DAPK3: variants seen among roughly 807,000 people sequenced by gnomAD.
The protein encoded by DAPK3 is death-associated protein kinase 3.
DAPK3 carries 24 observed loss-of-function variants against 30.6 expected under a neutral mutation model. That is an observed-to-expected ratio of 0.78 (90% CI 0.57 to 1.10). DAPK3 has a LOEUF of 1.10. Among genes scored for constraint, DAPK3 ranks in the 50% least tolerant of loss-of-function variants. The pLI is 0.00. For synonymous variants in DAPK3, 341 were observed against 284.0 expected (o/e 1.20, Z -2.02); for missense variants, 629 against 657.3 (o/e 0.96, Z 0.47).
At chr19:3,970,370 C>A (rs1356368044) in intron 1 of DAPK3, among the ~76,000 whole-genome samples, 1 of 152,108 alleles carries the variant, frequency 6.6e-6, no homozygotes, top group Non-Finnish European at 1.5e-5. Context: ...CTCAAGCGAT[C>A]GTCCCAGGCC....
In DAPK3 at chr19:3,963,932, G is replaced by C; in HGVS notation, c.554-13C>G. 1 of 1,581,066 alleles carries C rather than the reference G, an allele frequency of 6.3e-7. No homozygotes were observed. The highest frequency in any genetic ancestry group is 8.7e-7 in the Non-Finnish European group (1 of 1,152,412). ...ACAATCTCTGGGGCTGCAGAACAGG[G>C]AGATGTGGGTCAGGCACTGGGGACA... is the stretch of plus-strand genomic sequence containing the variant. On this transcript the variant is annotated splice_polypyrimidine_tract_variant and intron_variant, in intron 4 of 8. Coordinates refer to ENST00000545797, the MANE Select transcript of DAPK3 (RefSeq NM_001348.3).
At chr19:3,964,507 A>C (rs112135160) in intron 3 of DAPK3, 124 bp downstream of exon 3, 45 of 808,734 alleles carry the variant, frequency 5.6e-5, no homozygotes, top group African/African-American at 1.5e-4. Context: ...ACGCTCCCCA[A>C]ACCTCACCCC....
Position 3,964,297 on chromosome 19 carries a change from T to G in DAPK3, c.500A>C (p.Lys167Thr). The G allele has an allele frequency of 6.2e-7, 1 of 1,613,674 alleles. No individual in the cohort carries two copies. Among genetic ancestry groups the G allele is most frequent in the Non-Finnish European group, 8.5e-7 (1 of 1,179,626 alleles). ...CTTGAACTCGTTCCCCGCCTCGATC[T>G]TGTGCGCGATGCCGAAGTCGATGAG... ...IKLIDFGIAH[K>T]IEAGNEFKNI... The change falls in exon 4 of 9, where the codon AAG becomes ACG. Residue 167 changes from lysine (K) to threonine (T), a missense_variant. Physicochemically the swap from Lys to Thr is moderately conservative, Grantham distance 78. Coordinates refer to ENST00000545797, the MANE Select transcript of DAPK3 (RefSeq NM_001348.3).
intron 8 of DAPK3, 99 bp downstream of exon 8, chr19:3,959,960 T>A: frequency 1.3e-6 from 1 of 799,322 alleles, no homozygotes; most frequent in South Asian, 1.4e-5. Flanking sequence ...CCACTGGGGG[T>A]TGTCACATCC....
Position 3,960,907 on chromosome 19 carries a change from C to T in DAPK3, c.782+102G>A, listed in dbSNP as rs555872130. 217 of 1,276,222 alleles carry T rather than the reference C, an allele frequency of 1.7e-4. No homozygotes were observed. The East Asian group carries it at 4.3e-3, about 25-fold the overall frequency. 79.1% of individuals were successfully genotyped at this position (1,276,222 alleles called of 1,614,324 possible). ...GGGTAAGCAATGTCTGATCCCCAGC[C>T]GCAGGGAGGTGGCGCTGGGAGGAGA... On this transcript the variant is annotated intron_variant, in intron 7 of 8. Coordinates refer to ENST00000545797, the MANE Select transcript of DAPK3 (RefSeq NM_001348.3).
At position 3,958,940 on chromosome 19, in the gene DAPK3, G is replaced by A. The variant is rs568747653; in HGVS notation, c.*161C>T. 1.9e-5 allele frequency: 11 copies of A among 587,664 alleles called. No homozygotes were observed. The highest frequency in any genetic ancestry group is 9.6e-5 in the African/African-American group (5 of 51,948). 36.4% of individuals were successfully genotyped at this position (587,664 alleles called of 1,614,324 possible). On this transcript the variant is annotated 3_prime_UTR_variant, in exon 9 of 9. Coordinates refer to ENST00000545797, the MANE Select transcript of DAPK3 (RefSeq NM_001348.3). ...CCGTCCCACACCCACCCCTGCCTGC[G>A]AACTTACGGGCCTGGCTCCAGCTCC...
rs779410086 is a variant in DAPK3 at position 3,959,111 on chromosome 19, C to A, written c.1355G>T (p.Gly452Val). The change falls in exon 9 of 9, where the codon GGG becomes GTG. Residue 452 changes from glycine (G) to valine (V), a missense_variant. By Grantham distance (109) the Gly-to-Val change is moderately radical. Around this residue, in one of 2 missense-constraint regions of DAPK3, gnomAD observed 323 missense variants for 278.8 expected, o/e 1.16. Coordinates refer to ENST00000545797, the MANE Select transcript of DAPK3 (RefSeq NM_001348.3). ...CCCACCCCACTGCGCCTAGCGCAGCCCGCACTCCACGCCCTGCAGCTTCTC... is the reference window on the plus strand; with the variant it reads ...CCCACCCCACTGCGCCTAGCGCAGCACGCACTCCACGCCCTGCAGCTTCTC... ...EQEKLQGVECGLR is the reference protein window; with the variant it reads ...EQEKLQGVECVLR 2 of 1,550,344 alleles carry A rather than the reference C, an allele frequency of 1.3e-6. No homozygotes were observed. The highest frequency in any genetic ancestry group is 1.7e-6 in the Non-Finnish European group (2 of 1,151,610).
rs375457578 is a variant in DAPK3 at position 3,960,055 on chromosome 19, T to C, written c.828+4A>G. 6.5e-6 allele frequency: 10 copies of C among 1,526,856 alleles called. No individual in the cohort carries two copies. The African/African-American group carries it at 1.2e-4, about 19-fold the overall frequency. 94.6% of individuals were successfully genotyped at this position (1,526,856 alleles called of 1,614,324 possible). A position where few individuals can be genotyped will look rare whatever the true frequency, so the allele number is the denominator to read the frequency against. On this transcript the variant is annotated splice_donor_region_variant and intron_variant, in intron 8 of 8. Transcript: ENST00000545797. The stretch of plus-strand genomic sequence containing the variant: ...CCAGGGAGCTCCCCCACCTCCCCAC[T>C]TACCTTAATCCAGGAATGTTCCAGG...
chr19:3,961,236 G>A (rs2039508053), intron 6 of DAPK3, 75 bp from the exon 7 acceptor site: 30 of 1,240,384 alleles, frequency 2.4e-5, no homozygotes, highest in Middle Eastern at 1.9e-4. Context: ...GGCTGCCCAC[G>A]ACAGGCGGAG....
In DAPK3 at chr19:3,970,852, C is replaced by A. The variant is rs539688258; in HGVS notation, c.-95+69G>T. On this transcript the variant is annotated intron_variant, in intron 1 of 8. Coordinates refer to ENST00000545797, the MANE Select transcript of DAPK3 (RefSeq NM_001348.3). The stretch of plus-strand genomic sequence containing the variant: ...CTCCGCTCCAGCATCCCTGGGGCCG[C>A]TACGCCCCTCGCACGCCCGGCCGAG... 424 of 153,336 alleles carry A rather than the reference C, an allele frequency of 2.8e-3. 1 individual carries two copies. The highest frequency in any genetic ancestry group is 1.0e-2 in the African/African-American group (415 of 41,564). The allele number at this position is 153,336 out of a possible 1,614,324, so 9.5% of individuals were successfully genotyped here. A position where few individuals can be genotyped will look rare whatever the true frequency, so the allele number is the denominator to read the frequency against.
intron 6 of DAPK3, 78 bp downstream of exon 6, chr19:3,963,565 G>T: frequency 1.1e-6 from 1 of 905,556 alleles, no homozygotes; most frequent in Non-Finnish European, 1.7e-6. Flanking sequence ...GACCCCTGGC[G>T]TCCACATGAG....
chr19:3,960,461 A>C (rs763147250), intron 7 of DAPK3, among the ~76,000 whole-genome samples: 18 of 152,066 alleles, frequency 1.2e-4, no homozygotes, highest in Non-Finnish European at 2.4e-4. Flanking sequence ...ACCGGCAACT[A>C]ATTAAAAGTT....
intron 2 of DAPK3, 98 bp downstream of exon 2, chr19:3,969,576 T>C (rs957309322): frequency 1.7e-5 from 14 of 810,708 alleles, no homozygotes; most frequent in Admixed American, 3.9e-5. Flanking sequence ...CTTCTCAGCA[T>C]ACAGGATAAA....
At chr19:3,962,365 TCACGCACTACAGCGGGCTGGGCC>T (rs1418621590) in intron 6 of DAPK3, among the ~76,000 whole-genome samples, 1 of 152,238 alleles carries the variant, frequency 6.6e-6, no homozygotes, top group African/African-American at 2.4e-5. Flanking sequence ...TTGGGTCCGC[TCACGCACTACAGCGGGCTGGGCC>T]CACGCCATTG....
chr19:3,959,038 AG>A lies in DAPK3; in HGVS notation c.*62del, dbSNP rs1232061193. 9.1e-7 allele frequency: 1 copy of A among 1,102,646 alleles called. No homozygotes were observed. The highest frequency in any genetic ancestry group is 2.9e-5 in the Admixed American group (1 of 33,958). 68.3% of individuals were successfully genotyped at this position (1,102,646 alleles called of 1,614,324 possible). The stretch of plus-strand genomic sequence containing the variant: ...GGGCGATGGGAGGCGCAGCGTCCAC[AG>A]GAAGCGCCCCCACCGCAGGCCGAGC... On this transcript the variant is annotated 3_prime_UTR_variant, in exon 9 of 9. Coordinates refer to ENST00000545797, the MANE Select transcript of DAPK3 (RefSeq NM_001348.3).
Position 3,963,652 on chromosome 19 carries a change from G to A in DAPK3, c.620C>T (p.Thr207Ile). 1 of 1,536,328 alleles carries A rather than the reference G, an allele frequency of 6.5e-7. No individual in the cohort carries two copies. The highest frequency in any genetic ancestry group is 8.7e-7 in the Non-Finnish European group (1 of 1,143,520). ...CCCGCCAGGTACTCACAGGATATAG[G>A]TGATGACACCGATGCTCCTGGGGAC... ...EADMWSIGVI[T>I]YILLSGASPF... The change falls in exon 6 of 9, where the codon ACC becomes ATC. Residue 207 changes from threonine (T) to isoleucine (I), a missense_variant. By Grantham distance (89) the Thr-to-Ile change is moderately conservative. Transcript: ENST00000545797.
chr19:3,969,525 G>A lies in DAPK3; in HGVS notation c.62+149C>T, dbSNP rs556529044. ...CACAGCCGGGGCTGTCTGACTCCAC[G>A]GCCCAAATTCGTTCCCCCACCGCAT... On this transcript the variant is annotated intron_variant, in intron 2 of 8. Transcript: ENST00000545797. 1.3e-5 allele frequency: 7 copies of A among 521,622 alleles called. No homozygotes were observed. In the South Asian group the frequency reaches 1.4e-4, roughly 11 times the overall value. 32.3% of individuals were successfully genotyped at this position (521,622 alleles called of 1,614,324 possible). A position where few individuals can be genotyped will look rare whatever the true frequency, so the allele number is the denominator to read the frequency against.
intron 2 of DAPK3, among the ~76,000 whole-genome samples, chr19:3,967,819 T>C (rs558948169): frequency 5.9e-5 from 9 of 152,306 alleles, no homozygotes; most frequent in South Asian, 4.1e-4. Context: ...TCTCTGAGAA[T>C]GTTCCAGACC....
In DAPK3 at chr19:3,958,622, C is replaced by T. The variant is rs575330119; in HGVS notation, c.*479G>A. ...CAGTGGAAGACCCCACCAAGCCCGG[C>T]GCCACCCAGCAGCGTGGGGACTGCC... On this transcript the variant is annotated 3_prime_UTR_variant, in exon 9 of 9. Transcript: ENST00000545797. 43 of 412,300 alleles carry T rather than the reference C, an allele frequency of 1.0e-4. No homozygotes were observed. The highest frequency in any genetic ancestry group is 5.3e-4 in the African/African-American group (26 of 49,240). 25.5% of individuals were successfully genotyped at this position (412,300 alleles called of 1,614,324 possible).
Sources: gnomAD v4.1 joint callset for allele counts (sites outside exome capture counted in the v4.1 genomes callset) on GRCh38, gnomAD v4.1.1 for gene constraint, gnomAD v4.1.1 regional missense constraint, MANE v1.5 for transcripts, NCBI Gene and HGNC (gene_info 2026-07-23, HGNC 2026-07-21) for gene names.